The following ROBO2 variants were observed in gnomAD, a reference collection of about 807,000 sequenced individuals.
The protein encoded by ROBO2 is roundabout guidance receptor 2.
Under a neutral mutation model 160.8 loss-of-function variants are expected in ROBO2, and 53 were observed. The ratio of observed to expected loss-of-function variants is 0.33; its 90% confidence interval spans 0.26 to 0.41. The LOEUF (loss-of-function observed/expected upper bound fraction) is 0.41. Among genes scored for constraint, ROBO2 ranks in the 10% least tolerant of loss-of-function variants. The pLI, the probability that ROBO2 is intolerant of heterozygous loss-of-function variation, is 1.00. For synonymous variants in ROBO2, 664 were observed against 611.7 expected (o/e 1.09, Z -1.26); for missense variants, 1,577 against 1,722.4 (o/e 0.92, Z 1.49).
chr3:76,149,211 A>C (rs890770839), intron 2 of ROBO2, among the ~76,000 whole-genome samples: 3 of 152,082 alleles, frequency 2.0e-5, no homozygotes, highest in African/African-American at 7.2e-5. Flanking sequence ...TTCCACTTTC[A>C]CCAAATCTCT....
At chr3:76,926,419 C>T (rs1267288970) in intron 2 of ROBO2, among the ~76,000 whole-genome samples, 1 of 152,076 alleles carries the variant, frequency 6.6e-6, no homozygotes, top group Non-Finnish European at 1.5e-5. Context: ...TCAGTGAATC[C>T]CTTTAGGTTC....
At chr3:77,005,681 T>C (rs1157478360) in intron 2 of ROBO2, among the ~76,000 whole-genome samples, 1 of 152,202 alleles carries the variant, frequency 6.6e-6, no homozygotes, top group Non-Finnish European at 1.5e-5. Flanking sequence ...AACTGATGGA[T>C]TGGCCAGTTG....
chr3:76,446,617 A>G (rs1441760810), intron 2 of ROBO2, among the ~76,000 whole-genome samples: 1 of 152,224 alleles, frequency 6.6e-6, no homozygotes, highest in Non-Finnish European at 1.5e-5. Context: ...AGCTGGAGGC[A>G]TCACACTACC....
intron 2 of ROBO2, among the ~76,000 whole-genome samples, chr3:76,427,280 G>C (rs981441632): frequency 6.6e-6 from 1 of 151,778 alleles, no homozygotes; most frequent in African/African-American, 2.4e-5. Flanking sequence ...AAAACCACTC[G>C]CTTGCAACTG....
chr3:76,197,177 A>G (rs1575830110), intron 2 of ROBO2, among the ~76,000 whole-genome samples: 3 of 147,822 alleles, frequency 2.0e-5, no homozygotes, highest in South Asian at 2.1e-4. Context: ...GTGATAATCC[A>G]CTGAGCTAAT....
In ROBO2 at chr3:76,495,213, CTT is replaced by C. The variant is rs35543664; in HGVS notation, c.109+557626_109+557627del. ...AGTGCTTTGTATTTATCTTCATTTC[CTT>C]TTTTTTTTTTTTTTATCTGATTCTG... is the stretch of plus-strand genomic sequence containing the variant. On this transcript the variant is annotated intron_variant, in intron 2 of 26. Coordinates refer to the ROBO2 transcript ENST00000487694. 3.3e-3 allele frequency among the ~76,000 whole-genome samples: 454 copies of C among 136,276 alleles called. 3 individuals carry two copies. The highest frequency in any genetic ancestry group is 0.027 in the South Asian group (119 of 4,338). The allele number at this position is 136,276 out of a possible 152,430, so 89.4% of individuals were successfully genotyped here.
chr3:77,399,378 A>T (rs1432796357), intron 2 of ROBO2, among the ~76,000 whole-genome samples: 1 of 152,128 alleles, frequency 6.6e-6, no homozygotes, highest in Non-Finnish European at 1.5e-5. Context: ...GTTTCCTAGG[A>T]ATCTTTTTTT....
At chr3:77,200,400 G>A (rs2082794803) in intron 2 of ROBO2, among the ~76,000 whole-genome samples, 2 of 145,730 alleles carry the variant, frequency 1.4e-5, no homozygotes, top group South Asian at 2.2e-4. Flanking sequence ...GGTAGGTGTC[G>A]TTATTATTAA....
chr3:76,261,724 G>C (rs1706780483), intron 2 of ROBO2, among the ~76,000 whole-genome samples: 1 of 151,976 alleles, frequency 6.6e-6, no homozygotes, highest in South Asian at 2.1e-4. Flanking sequence ...AATACTGTGT[G>C]CATTTTTTTA....
rs540692064 is a variant in ROBO2, at chr3:76,279,056, T to C, written c.109+341454T>C. On this transcript the variant is annotated intron_variant, in intron 2 of 26. Transcript: ENST00000487694. ...AGTGTTATTGCAGCAAACATTTATG[T>C]ATAGAAAATACAAACACATATTTTA... Among the ~76,000 whole-genome samples the C allele has an allele frequency of 3.4e-4, 51 of 151,874 alleles. No individual in the cohort carries two copies. The South Asian group carries it at 0.01, about 30-fold the overall frequency.
chr3:77,119,724 G>C (rs887900842), intron 2 of ROBO2, among the ~76,000 whole-genome samples: 6 of 152,168 alleles, frequency 3.9e-5, no homozygotes, highest in Non-Finnish European at 7.4e-5. Context: ...TTTTAATGCT[G>C]TGTGAGTTTT....
At chr3:76,017,529 T>C (rs1330195961) in intron 2 of ROBO2, among the ~76,000 whole-genome samples, 1 of 152,158 alleles carries the variant, frequency 6.6e-6, no homozygotes, top group Non-Finnish European at 1.5e-5. Context: ...AAATAAACTT[T>C]GAAATGTAGG....
intron 2 of ROBO2, among the ~76,000 whole-genome samples, chr3:76,026,226 G>T: frequency 6.6e-6 from 1 of 151,868 alleles, no homozygotes; most frequent in East Asian, 1.9e-4. Flanking sequence ...CTCTATTAGA[G>T]ATTGGCTTAT....
At chr3:75,974,301 G>T (rs2065077126) in intron 2 of ROBO2, among the ~76,000 whole-genome samples, 1 of 151,646 alleles carries the variant, frequency 6.6e-6, no homozygotes, top group Non-Finnish European at 1.5e-5. Flanking sequence ...CATAGAAGCA[G>T]AGATAAATTC....
rs10433506 is a variant in ROBO2 at position 76,947,132 on chromosome 3, A to G, written c.110-150882A>G. Among the ~76,000 whole-genome samples, 128 of 152,298 alleles carry G rather than the reference A, an allele frequency of 8.4e-4. 4 individuals carry two copies. The East Asian group carries it at 0.023, about 27-fold the overall frequency. On this transcript the variant is annotated intron_variant, in intron 2 of 26. Coordinates refer to the ROBO2 transcript ENST00000487694. ...TTCCACTTCTTTTACATGTACATTC[A>G]TGTACTTAACTCGTTTTCCACAAAT...
intron 2 of ROBO2, among the ~76,000 whole-genome samples, chr3:76,349,125 A>G (rs1379979211): frequency 6.6e-6 from 1 of 152,236 alleles, no homozygotes; most frequent in African/African-American, 2.4e-5. Context: ...ATAAGTGTCT[A>G]TTCCTTTTGA....
intron 2 of ROBO2, among the ~76,000 whole-genome samples, chr3:76,080,402 G>A (rs1319314966): frequency 6.6e-6 from 1 of 152,160 alleles, no homozygotes; most frequent in African/African-American, 2.4e-5. Context: ...ACTTGTGCGG[G>A]ACTTCGGGTG....
intron 2 of ROBO2, among the ~76,000 whole-genome samples, chr3:76,030,099 C>T (rs1368204586): frequency 6.6e-6 from 1 of 152,180 alleles, no homozygotes; most frequent in Non-Finnish European, 1.5e-5. Context: ...TTTTGATTTG[C>T]ATTTCTCTGA....
At chr3:75,927,766 G>C (rs1947345245) in intron 1 of ROBO2, among the ~76,000 whole-genome samples, 3 of 152,124 alleles carry the variant, frequency 2.0e-5, no homozygotes, top group Admixed American at 2.0e-4. Context: ...GAAACACTTA[G>C]AATTATGCTA....
Sources: allele counts gnomAD v4.1 joint callset (sites outside exome capture counted in the v4.1 genomes callset), GRCh38; gene constraint gnomAD v4.1.1; transcripts MANE v1.5; gene names NCBI Gene and HGNC (gene_info 2026-07-23, HGNC 2026-07-21).